The following FMO4 variants were observed in gnomAD, a reference collection of about 807,000 sequenced individuals.
The protein encoded by FMO4 is dimethylaniline monooxygenase [N-oxide-forming] 4.
In FMO4, 38 loss-of-function variants were observed where a neutral mutation model predicts 43.3. The ratio of observed to expected loss-of-function variants is 0.88; its 90% CI spans 0.68 to 1.15. The LOEUF (loss-of-function observed/expected upper bound fraction) is 1.15. Ranked by LOEUF, FMO4 falls within the 50% of genes most tolerant of loss-of-function variation. FMO4 has a pLI of 0.00. For synonymous variants in FMO4, 224 were observed against 232.2 expected (o/e 0.96, Z 0.32); for missense variants, 631 against 663.3 (o/e 0.95, Z 0.54).
intron 5 of FMO4, among the ~76,000 whole-genome samples, chr1:171,325,173 G>T (rs45490301): frequency 0.044 from 6,688 of 152,172 alleles, 472 homozygotes; most frequent in African/African-American, 0.15. Flanking sequence ...CCATAGAAAG[G>T]AGTTTTAGAA....
rs536741358 is a variant in FMO4, at chr1:171,318,316, A to AAATAATAATAAT, written c.-8-1485_-8-1474dup. Among the ~76,000 whole-genome samples, 1,091 of 149,026 alleles carry AAATAATAATAAT rather than the reference A, an allele frequency of 7.3e-3. 14 individuals are homozygous for AAATAATAATAAT. Among genetic ancestry groups the AAATAATAATAAT allele is most frequent in the African/African-American group, 0.024 (963 of 39,866 alleles). On this transcript the variant is annotated intron_variant, in intron 2 of 9. Coordinates refer to ENST00000367749, the MANE Select transcript of FMO4 (RefSeq NM_002022.3). ...TGGGTGACAGAGCAAGACTGTCTCA[A>AAATAATAATAAT]AATAATAATAATAATAATAATAATA...
chr1:171,331,317 C>T (rs765534843), intron 5 of FMO4, among the ~76,000 whole-genome samples: 28 of 152,032 alleles, frequency 1.8e-4, no homozygotes, highest in Non-Finnish European at 4.0e-4. Context: ...TACTTTTTGC[C>T]CAGGATATTC....
At position 171,340,043 on chromosome 1, in the gene FMO4, C is replaced by T. The variant is rs572350980; in HGVS notation, c.1251-1370C>T. ...GGATAAACTGAGCCTCGCTTGCCCT[C>T]GTGCCTGGGTGAGAGAGGCAGCAAG... On this transcript the variant is annotated intron_variant, in intron 9 of 9. Coordinates refer to ENST00000367749, the MANE Select transcript of FMO4 (RefSeq NM_002022.3). 1.2e-4 allele frequency among the ~76,000 whole-genome samples: 18 copies of T among 152,214 alleles called. No individual in the cohort carries two copies. In the South Asian group the frequency reaches 2.7e-3, roughly 23 times the overall value.
intron 5 of FMO4, among the ~76,000 whole-genome samples, chr1:171,330,751 A>G (rs1028589634): frequency 6.6e-6 from 1 of 152,214 alleles, no homozygotes; most frequent in Non-Finnish European, 1.5e-5. Flanking sequence ...GGGTGGGGAC[A>G]CAGCCAAACC....
Position 171,335,328 on chromosome 1 carries a change from A to G in FMO4, c.1180+565A>G, listed in dbSNP as rs377068369. Among the ~76,000 whole-genome samples, 53 of 152,354 alleles carry G rather than the reference A, an allele frequency of 3.5e-4. 1 individual carries two copies. Among genetic ancestry groups the G allele is most frequent in the African/African-American group, 1.3e-3 (52 of 41,582 alleles). ...GCCCCTTCATCTGTAAAATGGGGAT[A>G]ATAAATCCCGTATGACAAGAATTTT... On this transcript the variant is annotated intron_variant, in intron 8 of 9. Coordinates refer to ENST00000367749, the MANE Select transcript of FMO4 (RefSeq NM_002022.3).
chr1:171,334,864 T>C (rs1663057115), intron 8 of FMO4, 101 bp downstream of exon 8: 2 of 636,294 alleles, frequency 3.1e-6, no homozygotes, highest in South Asian at 4.7e-5. Flanking sequence ...ACAAAATATT[T>C]TTAACATTAG....
chr1:171,334,638 A>G lies in FMO4; in HGVS notation c.1055A>G (p.Tyr352Cys). ...KSLCTKKIFL[Y>C]KQVFPLNLER... Reference sequence around the variant, plus strand: ...CTCTGTACAAAGAAGATATTTCTATACAAGCAAGTCTTTCCCTTAAACCTA... The same window carrying G: ...CTCTGTACAAAGAAGATATTTCTATGCAAGCAAGTCTTTCCCTTAAACCTA... The change falls in exon 8 of 10, where the codon TAC becomes TGC. Residue 352 changes from tyrosine (Y) to cysteine (C), a missense_variant. By Grantham distance (194) the Tyr-to-Cys change is radical (BLOSUM62 -2). Transcript: ENST00000367749. The G allele has an allele frequency of 6.2e-7, 1 of 1,613,546 alleles. No homozygotes were observed.
chr1:171,315,807 G>A (rs1321814165), intron 1 of FMO4, among the ~76,000 whole-genome samples: 1 of 152,126 alleles, frequency 6.6e-6, no homozygotes, highest in Non-Finnish European at 1.5e-5. Flanking sequence ...TGCCCAGCAC[G>A]TTTTTAACCC....
intron 9 of FMO4, among the ~76,000 whole-genome samples, chr1:171,339,743 G>T (rs1322406727): frequency 6.6e-6 from 1 of 152,206 alleles, no homozygotes; most frequent in Non-Finnish European, 1.5e-5. Flanking sequence ...GCTGTTCAGA[G>T]ACTGGAGGAA....
At position 171,342,073 on chromosome 1, in the gene FMO4, T is replaced by C. The variant is rs1663402775; in HGVS notation, c.*234T>C. 2 of 483,690 alleles carry C rather than the reference T, an allele frequency of 4.1e-6. No homozygotes were observed. The highest frequency in any genetic ancestry group is 7.4e-6 in the Non-Finnish European group (2 of 270,342). The allele number at this position is 483,690 out of a possible 1,614,324, so 30.0% of individuals were successfully genotyped here. A position where few individuals can be genotyped will look rare whatever the true frequency, so the allele number is the denominator to read the frequency against. ...GTGATTATTCTAAAATAAATATATA[T>C]GATATGGTTTAGCTGTGTCCCCACC... is the stretch of plus-strand genomic sequence containing the variant. On this transcript the variant is annotated 3_prime_UTR_variant, in exon 10 of 10. Coordinates refer to ENST00000367749, the MANE Select transcript of FMO4 (RefSeq NM_002022.3).
rs574009422 is a variant in FMO4 at position 171,331,027 on chromosome 1, T to C, written c.485-613T>C. Among the ~76,000 whole-genome samples, 3 of 152,294 alleles carry C rather than the reference T, an allele frequency of 2.0e-5. No homozygotes were observed. In the East Asian group the frequency reaches 5.8e-4, roughly 29 times the overall value. On this transcript the variant is annotated intron_variant, in intron 5 of 9. Coordinates refer to ENST00000367749, the MANE Select transcript of FMO4 (RefSeq NM_002022.3). Reference sequence around the variant, plus strand: ...TTAAATCACTAGAATAATTACTTCATTTACGAAAGAACTTACCACAGAATC... The same window carrying C: ...TTAAATCACTAGAATAATTACTTCACTTACGAAAGAACTTACCACAGAATC...
At chr1:171,324,797 G>A (rs936244194) in intron 5 of FMO4, among the ~76,000 whole-genome samples, 21 of 152,208 alleles carry the variant, frequency 1.4e-4, no homozygotes, top group African/African-American at 5.1e-4. Context: ...AAGCAATATA[G>A]TCACCCTTCA....
In FMO4 at chr1:171,316,279, A is replaced by T. The variant is rs1285830088; in HGVS notation, c.-57A>T. On this transcript the variant is annotated 5_prime_UTR_variant, in exon 2 of 10. Transcript: ENST00000367749. ...TATTGGTGGAGGCCATTTGTTTCTG[A>T]TTAGAAGCTGTCTAAACCTCCTACT... 1 of 152,140 alleles carries T rather than the reference A, an allele frequency of 6.6e-6. No individual in the cohort carries two copies. Among genetic ancestry groups the T allele is most frequent in the Non-Finnish European group, 1.5e-5 (1 of 68,028 alleles). The allele number at this position is 152,140 out of a possible 1,614,324, so 9.4% of individuals were successfully genotyped here. A position where few individuals can be genotyped will look rare whatever the true frequency, so the allele number is the denominator to read the frequency against.
chr1:171,337,323 T>G (rs1461007944), intron 8 of FMO4, 33 bp from the exon 9 acceptor site: 1 of 1,468,140 alleles, frequency 6.8e-7, no homozygotes, highest in Middle Eastern at 1.7e-4. Flanking sequence ...AAGCCACATG[T>G]GACTTTAGTG....
In FMO4 at chr1:171,324,157, C is replaced by T. The variant is rs770117618; in HGVS notation, c.341C>T (p.Thr114Met). The change falls in exon 5 of 10, where the codon ACG (threonine) becomes ATG (methionine). Residue 114 changes from threonine to methionine, a missense_variant. Physicochemically the swap from Thr to Met is moderately conservative, Grantham distance 81. Coordinates refer to ENST00000367749, the MANE Select transcript of FMO4 (RefSeq NM_002022.3). ...IQFKTTVCSI[T>M]KRPDFSETGQ... ...TTTTAGACCACTGTGTGCAGCATAA[C>T]GAAGCGTCCAGACTTCTCCGAAACT... is the stretch of plus-strand genomic sequence containing the variant. 3.1e-6 allele frequency: 5 copies of T among 1,612,020 alleles called. No individual in the cohort carries two copies. Among genetic ancestry groups the T allele is most frequent in the African/African-American group, 2.7e-5 (2 of 74,834 alleles).
intron 8 of FMO4, among the ~76,000 whole-genome samples, chr1:171,335,642 T>C (rs994238643): frequency 2.0e-5 from 3 of 152,194 alleles, no homozygotes; most frequent in African/African-American, 4.8e-5. Context: ...TGGTATTAAA[T>C]AGTGTTGACT....
At chr1:171,320,295 T>C (rs925043829) in intron 3 of FMO4, among the ~76,000 whole-genome samples, 6 of 152,168 alleles carry the variant, frequency 3.9e-5, no homozygotes, top group Non-Finnish European at 7.3e-5. Flanking sequence ...CTGAATAGCA[T>C]TGGTGAACAT....
chr1:171,334,843 G>A, intron 8 of FMO4, 80 bp downstream of exon 8: 2 of 749,084 alleles, frequency 2.7e-6, no homozygotes, highest in South Asian at 4.1e-5. Context: ...AAACAGATGT[G>A]AACTAAAGTA....
chr1:171,340,780 T>G (rs1663342023), intron 9 of FMO4, among the ~76,000 whole-genome samples: 1 of 152,190 alleles, frequency 6.6e-6, no homozygotes, highest in Non-Finnish European at 1.5e-5. Context: ...CGCTGTACAC[T>G]TTAAGATATC....
Sources: allele counts gnomAD v4.1 joint callset (sites outside exome capture counted in the v4.1 genomes callset), GRCh38; gene constraint gnomAD v4.1.1; transcripts MANE v1.5; gene names NCBI Gene and HGNC (gene_info 2026-07-23, HGNC 2026-07-21).